TXNRD1: variants seen among roughly 807,000 people sequenced by gnomAD.
TXNRD1 encodes the protein thioredoxin reductase 1, also known as thioredoxin reductase 1, cytoplasmic.
A neutral mutation model predicts 80.3 loss-of-function variants in TXNRD1; 57 were observed. The observed-to-expected ratio is 0.71, with a 90% CI of 0.57 to 0.89. The LOEUF (loss-of-function observed/expected upper bound fraction) is 0.89, where lower values mean the gene tolerates loss of function less well. TXNRD1 is among the 40% of genes least tolerant of loss of function. The pLI is 0.00. For missense variants in TXNRD1, 730 were observed against 803.0 expected, an observed-to-expected ratio of 0.91 and a Z score of 1.10; for synonymous variants, 291 against 285.2, an observed-to-expected ratio of 1.02 and a Z score of -0.20.
At chr12:104,249,915 A>G (rs549483997) in intron 1 of TXNRD1, among the ~76,000 whole-genome samples, 12 of 148,034 alleles carry the variant, frequency 8.1e-5, no homozygotes, top group South Asian at 4.4e-4. Context: ...CAGCCTTGGC[A>G]ACAGAGCGAG....
At chr12:104,292,265 A>G (rs574388603) in intron 4 of TXNRD1, among the ~76,000 whole-genome samples, 1 of 152,298 alleles carries the variant, frequency 6.6e-6, no homozygotes, top group East Asian at 1.9e-4. Context: ...GTGTTCCAAA[A>G]AAGTGTAGTC....
At chr12:104,326,110 TTC>T (rs34232100) in intron 11 of TXNRD1, among the ~76,000 whole-genome samples, 1,768 of 152,328 alleles carry the variant, frequency 0.012, 34 homozygotes, top group African/African-American at 0.04. Context: ...GCATTATGAA[TTC>T]TCTTTTTCCT....
chr12:104,335,200 CTTTT>C lies in TXNRD1; in HGVS notation c.1746+884_1746+887del, dbSNP rs61316589. Among the ~76,000 whole-genome samples the C allele has an allele frequency of 3.8e-3, 469 of 123,848 alleles. 2 individuals are homozygous for C. The highest frequency in any genetic ancestry group is 0.011 in the African/African-American group (351 of 32,012). The allele number at this position is 123,848 out of a possible 152,430, so 81.2% of individuals were successfully genotyped here. On this transcript the variant is annotated intron_variant, in intron 15 of 16. Coordinates refer to ENST00000525566, the MANE Select transcript of TXNRD1 (RefSeq NM_001093771.3). ...GTACAATATGCAATATATTACAGTCCTTTTTTTTTTTTTTTTTTTGAGACGGAGT... is the reference window on the plus strand; with the variant it reads ...GTACAATATGCAATATATTACAGTCCTTTTTTTTTTTTTTTGAGACGGAGT...
intron 1 of TXNRD1, among the ~76,000 whole-genome samples, chr12:104,238,865 G>A (rs906741806): frequency 2.1e-5 from 3 of 140,274 alleles, no homozygotes; most frequent in African/African-American, 8.1e-5. Context: ...CTTTTTTTTT[G>A]CGACAGAGTC....
chr12:104,278,976 A>T (rs995037475), intron 3 of TXNRD1, among the ~76,000 whole-genome samples: 1 of 152,218 alleles, frequency 6.6e-6, no homozygotes, highest in African/African-American at 2.4e-5. Flanking sequence ...TTATTGATCA[A>T]TTACTATGTG....
chr12:104,250,551 A>T (rs533638011), intron 1 of TXNRD1, among the ~76,000 whole-genome samples: 1 of 152,300 alleles, frequency 6.6e-6, no homozygotes, highest in South Asian at 2.1e-4. Context: ...AAGTTGCATA[A>T]CCTCTCTGAG....
intron 3 of TXNRD1, among the ~76,000 whole-genome samples, chr12:104,286,409 A>C (rs1281035076): frequency 1.3e-5 from 2 of 152,194 alleles, no homozygotes; most frequent in Non-Finnish European, 2.9e-5. Context: ...AGGTGCTCTC[A>C]GGGGAAGTTA....
intron 12 of TXNRD1, 138 bp downstream of exon 12, chr12:104,326,561 G>T (rs2035773178): frequency 1.8e-6 from 1 of 541,240 alleles, no homozygotes; most frequent in African/African-American, 2.0e-5. Context: ...CGTCCCCTGG[G>T]ATCAAGCCAT....
chr12:104,291,401 A>G (rs1041240146), intron 4 of TXNRD1, among the ~76,000 whole-genome samples: 2 of 147,776 alleles, frequency 1.4e-5, no homozygotes, highest in Admixed American at 6.8e-5. Context: ...GGGTTTCACC[A>G]TGTTGGTCAG....
At chr12:104,267,288 T>TTCC (rs2033525085) in intron 3 of TXNRD1, among the ~76,000 whole-genome samples, 9 of 149,854 alleles carry the variant, frequency 6.0e-5, no homozygotes, top group African/African-American at 1.7e-4. Context: ...TCTTTCCTCT[T>TTCC]TCTGTCTGTC....
chr12:104,338,937 C>T (rs571357323), intron 15 of TXNRD1, among the ~76,000 whole-genome samples: 3 of 152,052 alleles, frequency 2.0e-5, no homozygotes, highest in South Asian at 2.1e-4. Flanking sequence ...AGGATGGTCT[C>T]GACCTCCTGA....
intron 3 of TXNRD1, among the ~76,000 whole-genome samples, chr12:104,277,560 C>T (rs1025462167): frequency 6.6e-6 from 1 of 152,132 alleles, no homozygotes; most frequent in Admixed American, 6.6e-5. Flanking sequence ...AAGATTCTGT[C>T]TCCAAAAAAC....
At chr12:104,282,096 G>A (rs2033891402) in intron 3 of TXNRD1, among the ~76,000 whole-genome samples, 2 of 152,196 alleles carry the variant, frequency 1.3e-5, no homozygotes, top group South Asian at 2.1e-4. Context: ...AGACAGGGTG[G>A]TCTTCAGTAT....
At chr12:104,226,949 T>C (rs1250646551) in intron 1 of TXNRD1, among the ~76,000 whole-genome samples, 1 of 152,188 alleles carries the variant, frequency 6.6e-6, no homozygotes, top group East Asian at 1.9e-4. Flanking sequence ...ATATGGTAAG[T>C]CAGTAGCTCA....
intron 2 of TXNRD1, among the ~76,000 whole-genome samples, chr12:104,253,588 A>G (rs889794775): frequency 4.6e-5 from 7 of 152,046 alleles, no homozygotes; most frequent in Non-Finnish European, 8.8e-5. Context: ...TAGCTCTGCA[A>G]TTCTTATCTG....
chr12:104,219,071 T>A (rs941444321), intron 1 of TXNRD1, among the ~76,000 whole-genome samples: 1 of 151,974 alleles, frequency 6.6e-6, no homozygotes, highest in African/African-American at 2.4e-5. Context: ...GCTTCCTGAG[T>A]AGCTAGGATT....
intron 16 of TXNRD1, among the ~76,000 whole-genome samples, chr12:104,339,708 G>GTTTGAAGTGAACTAGAAA (rs1351403512): frequency 6.6e-6 from 1 of 152,182 alleles, no homozygotes; most frequent in Admixed American, 6.5e-5. Context: ...ACTAGAAATT[G>GTTTGAAGTGAACTAGAAA]ACCAATCTAG....
intron 4 of TXNRD1, among the ~76,000 whole-genome samples, chr12:104,290,363 T>C (rs954280091): frequency 1.3e-5 from 2 of 152,102 alleles, no homozygotes; most frequent in Non-Finnish European, 2.9e-5. Context: ...GACCTTTAGT[T>C]TGCAGGTAAA....
chr12:104,265,826 A>ATG lies in TXNRD1; in HGVS notation c.304+7747_304+7748insTG, dbSNP rs1210380697. 2.0e-6 allele frequency: 3 copies of ATG among 1,465,782 alleles called. No individual in the cohort carries two copies. In the African/African-American group the frequency reaches 4.2e-5, roughly 21 times the overall value. 90.8% of individuals were successfully genotyped at this position (1,465,782 alleles called of 1,614,324 possible). A position where few individuals can be genotyped will look rare whatever the true frequency, so the allele number is the denominator to read the frequency against. ...CCACGCTTCACCACCAAGAGGCCCA[A>ATG]CACCTTCTTCTAGGTGCAGGGCCCT... On this transcript the variant is annotated intron_variant, in intron 3 of 16. Transcript: ENST00000525566.
Sources: allele counts gnomAD v4.1 joint callset (sites outside exome capture counted in the v4.1 genomes callset), GRCh38; gene constraint gnomAD v4.1.1; transcripts MANE v1.5; gene names NCBI Gene and HGNC (gene_info 2026-07-23, HGNC 2026-07-21).